The following COL8A1 variants were observed in gnomAD, a reference collection of about 807,000 sequenced individuals.
The protein encoded by COL8A1 is collagen alpha-1(VIII) chain.
Under a neutral mutation model 42.7 loss-of-function variants are expected in COL8A1, and 21 were observed. The ratio of observed to expected loss-of-function variants is 0.49; its 90% CI spans 0.35 to 0.71. The LOEUF is 0.71. Among genes scored for constraint, COL8A1 ranks in the 30% least tolerant of loss-of-function variants. The pLI is 0.01. For synonymous variants in COL8A1, 367 were observed against 369.1 expected (o/e 0.99, Z 0.06); for missense variants, 788 against 962.4 (o/e 0.82, Z 2.40).
At chr3:99,683,706 A>G (rs142447276) in intron 1 of COL8A1, among the ~76,000 whole-genome samples, 25 of 152,234 alleles carry the variant, frequency 1.6e-4, no homozygotes, top group African/African-American at 5.3e-4. Flanking sequence ...ATTCTAAATG[A>G]ACCCTCAGGA....
chr3:99,773,837 A>ATATATATATATATATATATTTTT (rs1200212756), intron 2 of COL8A1, among the ~76,000 whole-genome samples: 1 of 45,400 alleles, frequency 2.2e-5, no homozygotes, highest in African/African-American at 1.3e-4. Context: ...ATATATATAT[A>ATATATATATATATATATATTTTT]TTTTTTTTTT....
chr3:99,716,323 T>A (rs182470868), intron 1 of COL8A1, among the ~76,000 whole-genome samples: 71 of 152,162 alleles, frequency 4.7e-4, no homozygotes, highest in African/African-American at 1.5e-3. Flanking sequence ...TCTTACAGCC[T>A]ATGAAACCTC....
At chr3:99,649,584 A>C (rs1937772464) in intron 1 of COL8A1, among the ~76,000 whole-genome samples, 1 of 152,162 alleles carries the variant, frequency 6.6e-6, no homozygotes, top group Non-Finnish European at 1.5e-5. Flanking sequence ...GAAAATGAAC[A>C]TCTTAGAAAG....
intron 1 of COL8A1, among the ~76,000 whole-genome samples, chr3:99,716,297 A>G (rs973103420): frequency 7.9e-5 from 12 of 152,052 alleles, no homozygotes; most frequent in Admixed American, 7.9e-4. Context: ...GTGGGGTAGC[A>G]CTTTTTTATC....
intron 1 of COL8A1, among the ~76,000 whole-genome samples, chr3:99,703,124 C>T (rs1022971819): frequency 2.6e-5 from 4 of 152,100 alleles, no homozygotes; most frequent in African/African-American, 9.7e-5. Context: ...GGTTTTCACA[C>T]TAATGAAGAT....
intron 2 of COL8A1, among the ~76,000 whole-genome samples, chr3:99,768,848 G>C (rs1482725354): frequency 6.6e-6 from 1 of 152,196 alleles, no homozygotes; most frequent in Non-Finnish European, 1.5e-5. Flanking sequence ...GTCTCCATTA[G>C]AGAATAGGTA....
At chr3:99,751,155 A>C (rs188160246) in intron 2 of COL8A1, among the ~76,000 whole-genome samples, 82 of 152,368 alleles carry the variant, frequency 5.4e-4, no homozygotes, top group African/African-American at 1.8e-3. Context: ...TATTTGTGCC[A>C]TTTAATCATT....
intron 1 of COL8A1, among the ~76,000 whole-genome samples, chr3:99,720,688 T>A (rs1037696860): frequency 6.6e-6 from 1 of 152,116 alleles, no homozygotes; most frequent in African/African-American, 2.4e-5. Flanking sequence ...TGCTCTGAGC[T>A]CTGTGTGAAT....
At chr3:99,767,022 T>C (rs186864633) in intron 2 of COL8A1, among the ~76,000 whole-genome samples, 19 of 152,232 alleles carry the variant, frequency 1.2e-4, no homozygotes, top group African/African-American at 4.3e-4. Context: ...GTATAAAGCA[T>C]TAACTCTTTT....
At chr3:99,707,952 C>T (rs1042154347) in intron 1 of COL8A1, among the ~76,000 whole-genome samples, 6 of 151,816 alleles carry the variant, frequency 4.0e-5, no homozygotes, top group African/African-American at 7.2e-5. Context: ...GTTAGGTGAC[C>T]GCTTCAAAAT....
At chr3:99,695,047 T>A (rs891371222) in intron 1 of COL8A1, among the ~76,000 whole-genome samples, 1 of 152,102 alleles carries the variant, frequency 6.6e-6, no homozygotes, top group Non-Finnish European at 1.5e-5. Context: ...AAATAATAAA[T>A]AAATTTTCCT....
intron 1 of COL8A1, among the ~76,000 whole-genome samples, chr3:99,647,612 C>T (rs1420612765): frequency 6.6e-6 from 1 of 152,146 alleles, no homozygotes; most frequent in African/African-American, 2.4e-5. Flanking sequence ...AAGCGGCCAA[C>T]AATGAGCAAT....
At chr3:99,773,832 TATA>T (rs1941633367) in intron 2 of COL8A1, among the ~76,000 whole-genome samples, 7 of 77,822 alleles carry the variant, frequency 9.0e-5, no homozygotes, top group African/African-American at 2.3e-4. Context: ...TATATATATA[TATA>T]TATTTTTTTT....
chr3:99,677,146 A>G (rs577621695), intron 1 of COL8A1, among the ~76,000 whole-genome samples: 149 of 149,354 alleles, frequency 1.0e-3, no homozygotes, highest in African/African-American at 3.5e-3. Flanking sequence ...CATCAATTAC[A>G]TATATATATA....
chr3:99,773,716 T>C (rs535239011), intron 2 of COL8A1, among the ~76,000 whole-genome samples: 10 of 148,754 alleles, frequency 6.7e-5, no homozygotes, highest in African/African-American at 1.5e-4. Context: ...TTACCCTGTG[T>C]TTCTGTACCA....
At chr3:99,740,691 A>T (rs1940874935) in intron 1 of COL8A1, among the ~76,000 whole-genome samples, 1 of 152,304 alleles carries the variant, frequency 6.6e-6, no homozygotes, top group African/African-American at 2.4e-5. Flanking sequence ...GATTTGGGTG[A>T]GGACACAGCC....
chr3:99,662,754 T>C (rs1259344170), intron 1 of COL8A1, among the ~76,000 whole-genome samples: 1 of 152,190 alleles, frequency 6.6e-6, no homozygotes, highest in African/African-American at 2.4e-5. Context: ...TAGCTTCTGA[T>C]GGTTTGCTGG....
At chr3:99,788,373 T>C (rs1467945128) in intron 2 of COL8A1, among the ~76,000 whole-genome samples, 2 of 152,202 alleles carry the variant, frequency 1.3e-5, no homozygotes, top group Non-Finnish European at 2.9e-5. Flanking sequence ...TTTCATTAGA[T>C]TGTCCTGGTT....
At chr3:99,739,563 AC>A (rs1940838998) in intron 1 of COL8A1, among the ~76,000 whole-genome samples, 1 of 152,146 alleles carries the variant, frequency 6.6e-6, no homozygotes. Context: ...ACTGCTGTGT[AC>A]CCACAGACTC....
Sources: gnomAD v4.1 joint callset for allele counts (sites outside exome capture counted in the v4.1 genomes callset) on GRCh38, gnomAD v4.1.1 for gene constraint, MANE v1.5 for transcripts, NCBI Gene and HGNC (gene_info 2026-07-23, HGNC 2026-07-21) for gene names.